Variants in SAMD8 observed in about 807,000 individuals in gnomAD.
SAMD8 encodes the protein sterile alpha motif domain containing 8.
SAMD8 carries 20 observed loss-of-function variants against 42.0 expected under a neutral mutation model. The observed-to-expected ratio is 0.48, with a 90% CI of 0.34 to 0.69. SAMD8 has a LOEUF of 0.69. Ranked by LOEUF, SAMD8 falls within the 30% of genes least tolerant of loss-of-function variation. SAMD8 has a pLI of 0.01. For synonymous variants in SAMD8, 162 were observed against 173.0 expected, an observed-to-expected ratio of 0.94 and a Z score of 0.50; for missense variants, 328 against 511.6, an observed-to-expected ratio of 0.64 and a Z score of 3.46.
chr10:75,131,535 A>G (rs1413597770), intron 1 of SAMD8, among the ~76,000 whole-genome samples: 3 of 152,156 alleles, frequency 2.0e-5, no homozygotes, highest in Admixed American at 1.3e-4. Context: ...GAATCTGTCT[A>G]TAATACCAAA....
chr10:75,106,329 G>C (rs1256532002), intron 1 of SAMD8, among the ~76,000 whole-genome samples: 1 of 151,874 alleles, frequency 6.6e-6, no homozygotes, highest in Non-Finnish European at 1.5e-5. Context: ...GAAACATGGA[G>C]GAACTTGCAG....
At chr10:75,168,894 C>T (rs936444907) in intron 4 of SAMD8, among the ~76,000 whole-genome samples, 1 of 152,106 alleles carries the variant, frequency 6.6e-6, no homozygotes, top group South Asian at 2.1e-4. Context: ...TTCTTTCGGC[C>T]GGGCGCAGTG....
chr10:75,138,758 A>C (rs1004145669), intron 1 of SAMD8, among the ~76,000 whole-genome samples: 3 of 152,170 alleles, frequency 2.0e-5, no homozygotes, highest in Non-Finnish European at 4.4e-5. Flanking sequence ...CTTCTTAAAA[A>C]CAGTTTTCAA....
chr10:75,122,583 A>C (rs1849028014), intron 1 of SAMD8, among the ~76,000 whole-genome samples: 1 of 151,226 alleles, frequency 6.6e-6, no homozygotes, highest in Non-Finnish European at 1.5e-5. Flanking sequence ...ACTGCATTCC[A>C]GACTGAATGA....
intron 3 of SAMD8, among the ~76,000 whole-genome samples, chr10:75,166,030 G>C (rs1258315327): frequency 2.0e-5 from 3 of 149,560 alleles, no homozygotes; most frequent in Non-Finnish European, 4.5e-5. Context: ...TGTACATATA[G>C]TCTGTGTGGT....
chr10:75,109,030 G>C, upstream of SAMD8: 1 of 1,610,184 alleles, frequency 6.2e-7, no homozygotes, highest in African/African-American at 1.3e-5. Context: ...GAAAAGGTTG[G>C]GCCAAACTTC....
chr10:75,117,435 G>T (rs1489524647), intron 1 of SAMD8, among the ~76,000 whole-genome samples: 17 of 151,188 alleles, frequency 1.1e-4, no homozygotes, highest in African/African-American at 3.9e-4. Flanking sequence ...AAAAAAAAGG[G>T]TGGGCGTGAT....
In SAMD8 at chr10:75,105,894, C is replaced by T. The variant is rs1196318679; in HGVS notation, c.-16+6166C>T. The T allele has an allele frequency of 5.8e-6, 9 of 1,540,842 alleles. No homozygotes were observed. In the South Asian group the frequency reaches 1.1e-4, roughly 18 times the overall value. On this transcript the variant is annotated intron_variant, in intron 1 of 3. Coordinates refer to the SAMD8 transcript ENST00000447533. ...CTGAGGAAGACATCCTGGTGAAAAA[C>T]CCTGTCCCACACACCGGCCCACCCA...
At chr10:75,153,543 G>A (rs980039362) in intron 2 of SAMD8, among the ~76,000 whole-genome samples, 4 of 151,700 alleles carry the variant, frequency 2.6e-5, no homozygotes, top group Non-Finnish European at 5.9e-5. Flanking sequence ...GAACCTGGGA[G>A]GCAGAGGTTG....
Position 75,178,161 on chromosome 10 carries a change from A to G in SAMD8, c.*1469A>G, listed in dbSNP as rs932020010. The G allele has an allele frequency of 6.6e-6, 1 of 152,204 alleles. No individual in the cohort carries two copies. Among genetic ancestry groups the G allele is most frequent in the Non-Finnish European group, 1.5e-5 (1 of 68,040 alleles). The allele number at this position is 152,204 out of a possible 1,614,324, so 9.4% of individuals were successfully genotyped here. A position where few individuals can be genotyped will look rare whatever the true frequency, so the allele number is the denominator to read the frequency against. ...CCCACCCCTGTATAAGCTACATAGG[A>G]GCCTGAATGAATTGGGTAGGAAAGG... On this transcript the variant is annotated 3_prime_UTR_variant, in exon 6 of 6. Coordinates refer to ENST00000542569, the MANE Select transcript of SAMD8 (RefSeq NM_001174156.2).
At chr10:75,155,710 C>T (rs1482214599) in intron 2 of SAMD8, among the ~76,000 whole-genome samples, 1 of 152,168 alleles carries the variant, frequency 6.6e-6, no homozygotes, top group Non-Finnish European at 1.5e-5. Context: ...TTTGTTGTGA[C>T]ATTGTTTGTA....
chr10:75,106,848 T>A (rs373958026), upstream of SAMD8, among the ~76,000 whole-genome samples: 1 of 152,206 alleles, frequency 6.6e-6, no homozygotes, highest in African/African-American at 2.4e-5. Flanking sequence ...TAAAAAGTCA[T>A]GTGAGCTGTA....
intron 1 of SAMD8, among the ~76,000 whole-genome samples, chr10:75,128,871 A>C (rs1849209306): frequency 6.6e-6 from 1 of 152,136 alleles, no homozygotes; most frequent in African/African-American, 2.4e-5. Flanking sequence ...TGCATTATTA[A>C]TACATGCATA....
At chr10:75,125,021 A>C (rs1046969294) in intron 1 of SAMD8, among the ~76,000 whole-genome samples, 1 of 152,028 alleles carries the variant, frequency 6.6e-6, no homozygotes, top group Non-Finnish European at 1.5e-5. Flanking sequence ...TCCTGGCCTC[A>C]AGTGATCCTC....
chr10:75,142,591 C>T (rs1840043006), intron 1 of SAMD8, among the ~76,000 whole-genome samples: 1 of 152,110 alleles, frequency 6.6e-6, no homozygotes, highest in Non-Finnish European at 1.5e-5. Flanking sequence ...CGCGTGCCAC[C>T]ACGCCCAGCT....
intron 1 of SAMD8, among the ~76,000 whole-genome samples, chr10:75,131,430 A>G (rs1271805361): frequency 6.6e-6 from 1 of 152,186 alleles, no homozygotes; most frequent in African/African-American, 2.4e-5. Flanking sequence ...ACTGTCTGAA[A>G]AGAAAAATCA....
chr10:75,105,902 C>T lies in SAMD8; in HGVS notation c.-16+6174C>T, dbSNP rs778293933. 2.1e-5 allele frequency: 33 copies of T among 1,535,418 alleles called. 1 individual carries two copies. The South Asian group carries it at 3.9e-4, about 18-fold the overall frequency. Reference sequence around the variant, plus strand: ...GACATCCTGGTGAAAAACCCTGTCCCACACACCGGCCCACCCACGGGCTGG... The same window carrying T: ...GACATCCTGGTGAAAAACCCTGTCCTACACACCGGCCCACCCACGGGCTGG... On this transcript the variant is annotated intron_variant, in intron 1 of 3. Coordinates refer to the SAMD8 transcript ENST00000447533.
intron 1 of SAMD8, among the ~76,000 whole-genome samples, chr10:75,118,643 CAAAAAA>C (rs1848937358): frequency 6.6e-6 from 1 of 151,402 alleles, no homozygotes; most frequent in South Asian, 2.1e-4. Context: ...GACTCCGTCT[CAAAAAA>C]GAAAAAGAAA....
chr10:75,119,377 G>A (rs1021072684), intron 1 of SAMD8, among the ~76,000 whole-genome samples: 9 of 151,986 alleles, frequency 5.9e-5, no homozygotes, highest in Admixed American at 1.3e-4. Flanking sequence ...GGCTGGTCTC[G>A]AACTCCTGAC....
Sources: gnomAD v4.1 joint callset for allele counts (sites outside exome capture counted in the v4.1 genomes callset) on GRCh38, gnomAD v4.1.1 for gene constraint, MANE v1.5 for transcripts, NCBI Gene and HGNC (gene_info 2026-07-23, HGNC 2026-07-21) for gene names.